Variants in CKLF observed in about 807,000 individuals in gnomAD.
CKLF encodes chemokine like factor.
CKLF carries 16 observed loss-of-function variants against 12.9 expected under a neutral mutation model. The observed-to-expected ratio is 1.24, with a 90% CI of 0.84 to 1.88. The LOEUF (loss-of-function observed/expected upper bound fraction) is 1.88, where lower values mean the gene tolerates loss of function less well. Ranked by LOEUF, CKLF falls within the 40% of genes most tolerant of loss-of-function variation. The probability of loss-of-function intolerance (pLI) is 0.00; values close to 1 mark genes in which losing one functional copy is unlikely to be tolerated. For synonymous variants in CKLF, 61 were observed against 69.0 expected, an observed-to-expected ratio of 0.88 and a Z score of 0.57; for missense variants, 172 against 188.5, an observed-to-expected ratio of 0.91 and a Z score of 0.51.
chr16:66,553,750 C>T (rs1427709759), intron 1 of CKLF, among the ~76,000 whole-genome samples: 2 of 152,192 alleles, frequency 1.3e-5, no homozygotes, highest in Non-Finnish European at 2.9e-5. Context: ...TAAATGGCCA[C>T]TTGGGAAGGC....
intron 3 of CKLF, chr16:66,565,682 C>G (rs2012204843): frequency 1.7e-6 from 1 of 580,592 alleles, no homozygotes; most frequent in African/African-American, 1.9e-5. Flanking sequence ...TTTTCTCTTT[C>G]TATAGGCAAG....
At chr16:66,564,253 A>G (rs1209100186) in intron 3 of CKLF, among the ~76,000 whole-genome samples, 1 of 152,194 alleles carries the variant, frequency 6.6e-6, no homozygotes, top group East Asian at 1.9e-4. Flanking sequence ...TAGTAACCAT[A>G]GTTGCTAGCC....
downstream of CKLF, chr16:66,566,254 A>T: frequency 6.8e-7 from 1 of 1,461,430 alleles, no homozygotes; most frequent in Non-Finnish European, 9.0e-7. This position sits in a 1 kb window ranked among gnomAD's most constrained non-coding sequence, Gnocchi z 4.9. Flanking sequence ...GGGATCTTTG[A>T]ATCTCTTTAC....
At chr16:66,563,500 T>C (rs898096725) in intron 3 of CKLF, among the ~76,000 whole-genome samples, 5 of 152,166 alleles carry the variant, frequency 3.3e-5, no homozygotes, top group African/African-American at 4.8e-5. Flanking sequence ...GCTACTGGAA[T>C]CAGTTACAGC....
Position 66,554,665 on chromosome 16 carries a change from C to T in CKLF, c.78+1872C>T, listed in dbSNP as rs909495890. ...AAAAGCCAGGTAAGGGAGTGTAAGGCGGGGAAGGAGTTGCAGAGAAAAGTT... is the reference window on the plus strand; with the variant it reads ...AAAAGCCAGGTAAGGGAGTGTAAGGTGGGGAAGGAGTTGCAGAGAAAAGTT... On this transcript the variant is annotated intron_variant, in intron 1 of 3. Coordinates refer to ENST00000264001, the MANE Select transcript of CKLF (RefSeq NM_016951.4). 5.3e-5 allele frequency among the ~76,000 whole-genome samples: 8 copies of T among 152,106 alleles called. 1 individual carries two copies. Among genetic ancestry groups the T allele is most frequent in the Admixed American group, 1.3e-4 (2 of 15,272 alleles).
intron 1 of CKLF, 137 bp from the exon 2 acceptor site, chr16:66,558,053 C>T: frequency 7.6e-7 from 1 of 1,311,164 alleles, no homozygotes; most frequent in Non-Finnish European, 1.0e-6. Context: ...AGCGATCCTC[C>T]TACCTCAGCC....
chr16:66,565,637 A>G (rs1458371578), intron 3 of CKLF: 4 of 503,304 alleles, frequency 7.9e-6, no homozygotes, highest in Non-Finnish European at 1.4e-5. Flanking sequence ...CAGAGCCCAC[A>G]CTGCTTTATT....
Position 66,552,797 on chromosome 16 carries a change from AG to A in CKLF, c.78+6del. The A allele has an allele frequency of 6.2e-7, 1 of 1,613,936 alleles. No homozygotes were observed. Among genetic ancestry groups the A allele is most frequent in the Non-Finnish European group, 8.5e-7 (1 of 1,179,908 alleles). On this transcript the variant is annotated splice_donor_5th_base_variant and intron_variant, in intron 1 of 3. Transcript: ENST00000264001. ...CCACGTGAAGATGCTGCGGCTGGTGAGGCCGGGCCGCGGAGGGCGGGAGGCT... is the reference window on the plus strand; with the variant it reads ...CCACGTGAAGATGCTGCGGCTGGTGAGCCGGGCCGCGGAGGGCGGGAGGCT...
intron 1 of CKLF, among the ~76,000 whole-genome samples, chr16:66,555,499 A>G (rs2011403460): frequency 6.6e-6 from 1 of 152,240 alleles, no homozygotes; most frequent in African/African-American, 2.4e-5. Flanking sequence ...CAGCTTCTGA[A>G]GTTTTTGGTC....
At chr16:66,556,772 A>G (rs2144527007) in intron 1 of CKLF, among the ~76,000 whole-genome samples, 1 of 152,358 alleles carries the variant, frequency 6.6e-6, no homozygotes, top group African/African-American at 2.4e-5. Flanking sequence ...AAAGAAAGGC[A>G]TATTTATGCT....
At chr16:66,563,016 T>A in intron 2 of CKLF, 106 bp from the exon 3 acceptor site, 1 of 1,315,570 alleles carries the variant, frequency 7.6e-7, no homozygotes, top group Non-Finnish European at 1.1e-6. Context: ...GCATTCTGCC[T>A]GCTGACTTTG....
At chr16:66,555,612 T>C (rs1046302726) in intron 1 of CKLF, among the ~76,000 whole-genome samples, 1 of 152,126 alleles carries the variant, frequency 6.6e-6, no homozygotes, top group Non-Finnish European at 1.5e-5. Context: ...GTGGATAAAT[T>C]GTGAAGCAAG....
chr16:66,563,133 C>T lies in CKLF; in HGVS notation c.249C>T (p.Asn83=), dbSNP rs1445611044. The change falls in exon 3 of 4, where the codon AAC becomes AAT. Residue 83 remains asparagine (N), a synonymous_variant. Transcript: ENST00000264001. ...WLFWPLLDII[N]SLVTTVFMLI... ...TTGTGTGTTTTTAGGATATTATCAA[C>T]TCACTGGTAACAACAGTATTCATGC... is the stretch of plus-strand genomic sequence containing the variant. The T allele has an allele frequency of 1.2e-6, 2 of 1,613,942 alleles. No individual in the cohort carries two copies. Among genetic ancestry groups the T allele is most frequent in the East Asian group, 4.5e-5 (2 of 44,884 alleles).
At position 66,558,303 on chromosome 16, in the gene CKLF, A is replaced by C; in HGVS notation, c.192A>C (p.Val64=). The C allele has an allele frequency of 6.2e-7, 1 of 1,612,394 alleles. No individual in the cohort carries two copies. Among genetic ancestry groups the C allele is most frequent in the South Asian group, 1.1e-5 (1 of 90,362 alleles). ...TVILFFILLY[V]LRLDRLMKWL... ...TCTTATTTTTCATACTTTTATATGT[A>C]CTCAGACTTGATCGATTAATGAAGT... Residue 64 remains valine (V), a synonymous_variant, in exon 2 of 4, where the codon GTA becomes GTC. Transcript: ENST00000264001.
At chr16:66,564,208 G>A (rs1054038969) in intron 3 of CKLF, among the ~76,000 whole-genome samples, 1 of 152,158 alleles carries the variant, frequency 6.6e-6, no homozygotes, top group African/African-American at 2.4e-5. Flanking sequence ...TACTTTGGCA[G>A]GGGCTGACAA....
intron 2 of CKLF, among the ~76,000 whole-genome samples, chr16:66,560,840 TTCTC>T (rs371017399): frequency 3.8e-5 from 5 of 130,488 alleles, no homozygotes; most frequent in East Asian, 2.4e-4. Flanking sequence ...CACACACACT[TTCTC>T]TCTCTCTCTG....
At chr16:66,556,333 C>A (rs2011452977) in intron 1 of CKLF, among the ~76,000 whole-genome samples, 1 of 152,108 alleles carries the variant, frequency 6.6e-6, no homozygotes, top group African/African-American at 2.4e-5. Context: ...AAGAAAAAAG[C>A]ATTCATTAAA....
In CKLF at chr16:66,566,058, G is replaced by A. The variant is rs1261989831; in HGVS notation, c.*47G>A. On this transcript the variant is annotated 3_prime_UTR_variant, in exon 4 of 4. Transcript: ENST00000264001. The surrounding 1 kb of genome is among the most constrained non-coding windows in gnomAD (Gnocchi z 4.9). ...GATACTAAGTATTAAACATATTTCT[G>A]TATTCTTCCACATATTTTCTGCAGT... 6.2e-7 allele frequency: 1 copy of A among 1,609,436 alleles called. No homozygotes were observed. The highest frequency in any genetic ancestry group is 8.5e-7 in the Non-Finnish European group (1 of 1,176,604).
In CKLF at chr16:66,558,311, T is replaced by C. The variant is rs758362680; in HGVS notation, c.200T>C (p.Leu67Pro). 6.2e-7 allele frequency: 1 copy of C among 1,610,132 alleles called. No individual in the cohort carries two copies. The highest frequency in any genetic ancestry group is 1.1e-5 in the South Asian group (1 of 89,542). ...TTCATACTTTTATATGTACTCAGACTTGATCGATTAATGAAGTGGTTATTT... is the reference window on the plus strand; with the variant it reads ...TTCATACTTTTATATGTACTCAGACCTGATCGATTAATGAAGTGGTTATTT... ...LFFILLYVLR[L>P]DRLMKWLFWP... Residue 67 changes from leucine to proline, a missense_variant, in exon 2 of 4, where the codon CTT becomes CCT. Physicochemically the swap from Leu to Pro is moderately conservative, Grantham distance 98 (BLOSUM62 -3). Coordinates refer to ENST00000264001, the MANE Select transcript of CKLF (RefSeq NM_016951.4).
Sources: allele counts gnomAD v4.1 joint callset (sites outside exome capture counted in the v4.1 genomes callset), GRCh38; gene constraint gnomAD v4.1.1; non-coding constraint Gnocchi (gnomAD v3.1); transcripts MANE v1.5; gene names NCBI Gene and HGNC (gene_info 2026-07-23, HGNC 2026-07-21).